Variants in SYTL5 observed in about 807,000 individuals in gnomAD.
SYTL5 encodes the protein synaptotagmin-like protein 5.
In SYTL5, 34 loss-of-function variants were observed where a neutral mutation model predicts 55.9. The ratio of observed to expected loss-of-function variants is 0.61; its 90% confidence interval spans 0.46 to 0.81. The LOEUF (loss-of-function observed/expected upper bound fraction) is 0.81, where lower values mean the gene tolerates loss of function less well. SYTL5 is among the 30% of genes least tolerant of loss of function. SYTL5 has a pLI of 0.00. For synonymous variants in SYTL5, 221 were observed against 188.7 expected (o/e 1.17, Z -1.40); for missense variants, 637 against 546.7 (o/e 1.17, Z -1.65).
rs1210925135 is a variant in SYTL5 at position 38,125,310 on chromosome X, T to A, written c.1854T>A (p.Pro618=). ...SDSFVKGYLL[P]DDSKATKHKT... ...TTTTCTCATGCAGCTACCTGCTCCC[T>A]GATGATAGCAAAGCCACCAAGCACA... is the stretch of plus-strand genomic sequence containing the variant. Residue 618 remains proline (P), a synonymous_variant, in exon 16 of 17, where the codon CCT becomes CCA. Coordinates refer to ENST00000297875, the MANE Select transcript of SYTL5 (RefSeq NM_138780.3). The A allele has an allele frequency of 3.3e-6, 4 of 1,209,451 alleles. No homozygotes were observed. Among genetic ancestry groups the A allele is most frequent in the Non-Finnish European group, 4.5e-6 (4 of 894,677 alleles).
At position 38,126,734 on chromosome X, in the gene SYTL5, G is replaced by A. The variant is rs1207661889; in HGVS notation, c.*4G>A. 8.3e-7 allele frequency: 1 copy of A among 1,200,249 alleles called. No homozygotes were observed. Among genetic ancestry groups the A allele is most frequent in the African/African-American group, 1.8e-5 (1 of 56,625 alleles). Reference sequence around the variant, plus strand: ...CATGGGAAAATGTAGGCTCTAAAGGGACCAGTTCTCCAAGAATGAGGCCAC... The same window carrying A: ...CATGGGAAAATGTAGGCTCTAAAGGAACCAGTTCTCCAAGAATGAGGCCAC... On this transcript the variant is annotated 3_prime_UTR_variant, in exon 17 of 17. Transcript: ENST00000297875.
At chrX:38,042,005 A>T (rs1238909265) in intron 2 of SYTL5, among the ~76,000 whole-genome samples, 3 of 110,728 alleles carry the variant, frequency 2.7e-5, no homozygotes, top group Non-Finnish European at 5.7e-5. Flanking sequence ...TAGCTATTTC[A>T]GACCATTTTC....
chrX:37,948,615 C>T, the SYTL5 span, among the ~76,000 whole-genome samples: 1 of 110,431 alleles, frequency 9.1e-6, no homozygotes, highest in Non-Finnish European at 1.9e-5. Context: ...ACCTCCCCGC[C>T]TCAGCCTCTG....
chrX:37,898,104 A>C, the SYTL5 span, among the ~76,000 whole-genome samples: 1 of 111,733 alleles, frequency 8.9e-6, no homozygotes, highest in Non-Finnish European at 1.9e-5. Context: ...TGTCTCAAAA[A>C]AAAAAATCTG....
At chrX:38,055,668 T>C (rs1212535021) in intron 3 of SYTL5, among the ~76,000 whole-genome samples, 1 of 112,266 alleles carries the variant, frequency 8.9e-6, no homozygotes, top group Non-Finnish European at 1.9e-5. Flanking sequence ...TCTTTCATTT[T>C]CATCTTCTCT....
At chrX:37,969,815 G>T in the SYTL5 span, among the ~76,000 whole-genome samples, 6,277 of 111,060 alleles carry the variant, frequency 0.057, 419 homozygotes, top group African/African-American at 0.19. Flanking sequence ...TGTATTTTTA[G>T]TAGATACAGG....
At chrX:38,041,935 A>G (rs1401947007) in intron 2 of SYTL5, among the ~76,000 whole-genome samples, 4 of 111,430 alleles carry the variant, frequency 3.6e-5, no homozygotes, top group Admixed American at 9.5e-5. Context: ...TAGTTGTGAT[A>G]TCCATCACCT....
chrX:37,899,806 A>G, the SYTL5 span, among the ~76,000 whole-genome samples: 2 of 111,282 alleles, frequency 1.8e-5, no homozygotes, highest in Non-Finnish European at 1.9e-5. Flanking sequence ...AACAAAACAG[A>G]TTTACAGTCA....
At chrX:37,950,813 A>G in the SYTL5 span, among the ~76,000 whole-genome samples, 3 of 111,674 alleles carry the variant, frequency 2.7e-5, no homozygotes, top group Non-Finnish European at 3.8e-5. Context: ...ATGAAAGTAT[A>G]AAGATGTTTG....
the SYTL5 span, among the ~76,000 whole-genome samples, chrX:37,993,491 G>T: frequency 8.9e-6 from 1 of 111,839 alleles, no homozygotes; most frequent in African/African-American, 3.3e-5. Context: ...ACAGGTAAAA[G>T]GTATTTTCTA....
At chrX:37,964,473 T>C in the SYTL5 span, among the ~76,000 whole-genome samples, 2 of 111,840 alleles carry the variant, frequency 1.8e-5, no homozygotes, top group African/African-American at 3.2e-5. Flanking sequence ...ATTCTTTTAA[T>C]GTGCTATTGA....
chrX:37,971,165 T>C, the SYTL5 span, among the ~76,000 whole-genome samples: 2 of 111,518 alleles, frequency 1.8e-5, no homozygotes, highest in Non-Finnish European at 3.8e-5. Context: ...CACATAAATA[T>C]ATAGACGTAT....
chrX:38,024,987 C>T (rs188047654), intron 1 of SYTL5, among the ~76,000 whole-genome samples: 5 of 111,803 alleles, frequency 4.5e-5, no homozygotes, highest in African/African-American at 9.7e-5. Context: ...GTTTGGGGTT[C>T]GTTGTAAAAG....
chrX:38,057,033 G>A (rs943065728), intron 3 of SYTL5, among the ~76,000 whole-genome samples: 1 of 111,403 alleles, frequency 9.0e-6, no homozygotes, highest in Non-Finnish European at 1.9e-5. Flanking sequence ...GTGCTTGTGG[G>A]GTATTTCTCA....
the SYTL5 span, among the ~76,000 whole-genome samples, chrX:37,891,716 A>G: frequency 6.6e-4 from 74 of 111,921 alleles, no homozygotes; most frequent in African/African-American, 2.3e-3. Flanking sequence ...AAAGGATTTC[A>G]TATGAGTGTT....
At chrX:38,107,215 G>A (rs376209159) in intron 11 of SYTL5, among the ~76,000 whole-genome samples, 3 of 111,712 alleles carry the variant, frequency 2.7e-5, no homozygotes, top group African/African-American at 9.8e-5. Flanking sequence ...GCACACTGGA[G>A]AGAAGCTAGA....
chrX:37,928,951 A>C, the SYTL5 span, among the ~76,000 whole-genome samples: 1 of 112,288 alleles, frequency 8.9e-6, no homozygotes. Context: ...AGAATATTTA[A>C]AGCAGGACTA....
intron 1 of SYTL5, among the ~76,000 whole-genome samples, chrX:38,025,888 G>C (rs1315275298): frequency 8.9e-6 from 1 of 112,145 alleles, no homozygotes; most frequent in Admixed American, 9.4e-5. Flanking sequence ...TGAAAAATTT[G>C]ATTTGGTTAG....
At chrX:38,113,285 A>T (rs1937403332) in intron 13 of SYTL5, among the ~76,000 whole-genome samples, 1 of 112,485 alleles carries the variant, frequency 8.9e-6, no homozygotes, top group Non-Finnish European at 1.9e-5. Context: ...GTGTACTATT[A>T]TAAAAACAAG....
Sources: allele counts gnomAD v4.1 joint callset (sites outside exome capture counted in the v4.1 genomes callset), GRCh38; gene constraint gnomAD v4.1.1; transcripts MANE v1.5; gene names NCBI Gene and HGNC (gene_info 2026-07-23, HGNC 2026-07-21).